Variants in FAM53B observed in about 807,000 individuals in gnomAD.
FAM53B encodes the protein protein FAM53B.
A neutral mutation model predicts 32.7 loss-of-function variants in FAM53B; 12 were observed. The observed-to-expected ratio is 0.37, with a 90% CI of 0.24 to 0.59. The LOEUF is 0.59. Ranked by LOEUF, FAM53B falls within the 20% of genes least tolerant of loss-of-function variation. FAM53B has a pLI of 0.72. For missense variants in FAM53B, 477 were observed against 577.7 expected, an observed-to-expected ratio of 0.83 and a Z score of 1.79; for synonymous variants, 234 against 228.7, an observed-to-expected ratio of 1.02 and a Z score of -0.21.
At chr10:124,668,303 G>A (rs1949686553) in intron 4 of FAM53B, among the ~76,000 whole-genome samples, 1 of 152,260 alleles carries the variant, frequency 6.6e-6, no homozygotes, top group South Asian at 2.1e-4. Context: ...TTTCTGAGCA[G>A]GACCACAGCC....
chr10:124,722,348 A>T (rs1202526902), intron 1 of FAM53B, among the ~76,000 whole-genome samples: 1 of 152,224 alleles, frequency 6.6e-6, no homozygotes, highest in Non-Finnish European at 1.5e-5. Flanking sequence ...AATTAAAAAA[A>T]AGAAGGCTTT....
intron 4 of FAM53B, among the ~76,000 whole-genome samples, chr10:124,633,788 A>G (rs138423846): frequency 3.3e-5 from 5 of 152,338 alleles, no homozygotes; most frequent in Non-Finnish European, 7.3e-5. Flanking sequence ...GATAAACTCA[A>G]CACAGACCAA....
intron 1 of FAM53B, among the ~76,000 whole-genome samples, chr10:124,738,049 C>A (rs1950181991): frequency 6.6e-6 from 1 of 152,192 alleles, no homozygotes; most frequent in Admixed American, 6.5e-5. Context: ...ATGCCCACAG[C>A]AGACACTTCC....
At chr10:124,713,016 C>T (rs1283573473) in intron 1 of FAM53B, among the ~76,000 whole-genome samples, 1 of 152,176 alleles carries the variant, frequency 6.6e-6, no homozygotes, top group Admixed American at 6.5e-5. Context: ...TGGGAGGGCA[C>T]ACACACAGGT....
rs941965086 is a variant in FAM53B, at chr10:124,733,784, T to C, written c.-175+10229A>G. ...GAAGGTCACTCCAAGGTCAAAAGGC[T>C]GGGCCCCTGGGCAGTGTCACCCCGA... is the stretch of plus-strand genomic sequence containing the variant. On this transcript the variant is annotated intron_variant, in intron 1 of 4. Coordinates refer to ENST00000337318, the MANE Select transcript of FAM53B (RefSeq NM_014661.4). The surrounding 1 kb of genome is among the most constrained non-coding windows in gnomAD (Gnocchi z 4.3). 2.0e-5 allele frequency among the ~76,000 whole-genome samples: 3 copies of C among 152,218 alleles called. No homozygotes were observed. Among genetic ancestry groups the C allele is most frequent in the East Asian group, 3.9e-4 (2 of 5,190 alleles).
intron 4 of FAM53B, among the ~76,000 whole-genome samples, chr10:124,650,329 G>C (rs1390406723): frequency 6.6e-6 from 1 of 152,194 alleles, no homozygotes; most frequent in Admixed American, 6.5e-5. Flanking sequence ...TGAGAACCAG[G>C]CATGAGCCTA....
rs1339980196 is a variant in FAM53B at position 124,697,255 on chromosome 10, GC to G, written c.79-1044del. Among the ~76,000 whole-genome samples the G allele has an allele frequency of 5.9e-5, 9 of 152,256 alleles. No homozygotes were observed. The South Asian group carries it at 1.7e-3, about 28-fold the overall frequency. The stretch of plus-strand genomic sequence containing the variant: ...CATGCAATGATGAAAGGAGCTCTTA[GC>G]CCCAGAGAAATGAGCCTGTCACAGA... On this transcript the variant is annotated intron_variant, in intron 2 of 4. Transcript: ENST00000337318.
At chr10:124,725,155 G>C (rs1589764908) in intron 1 of FAM53B, among the ~76,000 whole-genome samples, 1 of 152,178 alleles carries the variant, frequency 6.6e-6, no homozygotes, top group East Asian at 1.9e-4. Flanking sequence ...TGGAGCTAAA[G>C]ACACAAGACC....
intron 4 of FAM53B, among the ~76,000 whole-genome samples, chr10:124,657,934 C>T (rs1402400901): frequency 2.0e-5 from 3 of 152,202 alleles, no homozygotes; most frequent in African/African-American, 7.2e-5. Flanking sequence ...TTCTCCGCAG[C>T]CAGGAAGGTT....
At chr10:124,683,828 G>T (rs1287688136) in intron 3 of FAM53B, among the ~76,000 whole-genome samples, 1 of 152,234 alleles carries the variant, frequency 6.6e-6, no homozygotes, top group East Asian at 1.9e-4. Flanking sequence ...AGTGCTCGAG[G>T]CAGCAAGGAC....
chr10:124,682,273 G>A lies in FAM53B; in HGVS notation c.240C>T (p.His80=), dbSNP rs565957093. The change falls in exon 4 of 5, where the codon CAC becomes CAT. Residue 80 remains histidine (H), a synonymous_variant. Transcript: ENST00000337318. This position sits in a 1 kb window ranked among gnomAD's most constrained non-coding sequence, Gnocchi z 5.2. ...CAGCGCAGGCGGTCACTGCCTCCCG[G>A]TGCCATAGTGAGCTGTCCTTTTCAG... The part of the protein sequence containing the change: ...CLPEKDSSLW[H]REAVTACAVT... The A allele has an allele frequency of 9.3e-6, 15 of 1,614,092 alleles. No individual in the cohort carries two copies. The South Asian group carries it at 1.3e-4, about 14-fold the overall frequency.
At chr10:124,632,431 C>A (rs1440926708) in intron 4 of FAM53B, among the ~76,000 whole-genome samples, 1 of 152,176 alleles carries the variant, frequency 6.6e-6, no homozygotes, top group Admixed American at 6.5e-5. Flanking sequence ...GGCGGGGGGC[C>A]GAGGCTAATG....
At chr10:124,723,730 G>C (rs2134097241) in intron 1 of FAM53B, among the ~76,000 whole-genome samples, 1 of 152,310 alleles carries the variant, frequency 6.6e-6, no homozygotes, top group Non-Finnish European at 1.5e-5. Flanking sequence ...GCAGAGCCTG[G>C]ACAGCCCAGG....
intron 4 of FAM53B, among the ~76,000 whole-genome samples, chr10:124,629,729 C>A (rs1949378786): frequency 6.6e-6 from 1 of 152,230 alleles, no homozygotes; most frequent in Non-Finnish European, 1.5e-5. Flanking sequence ...CAGAAACAAC[C>A]AAGACGGCAA....
Position 124,743,606 on chromosome 10 carries a change from G to A in FAM53B, c.-175+407C>T, listed in dbSNP as rs915492126. ...GCGAATGGGGCCGCCCGGCTCCCGAGACTCCGCGCCTCCTCCGCAGCGGCT... is the reference window on the plus strand; with the variant it reads ...GCGAATGGGGCCGCCCGGCTCCCGAAACTCCGCGCCTCCTCCGCAGCGGCT... On this transcript the variant is annotated intron_variant, in intron 1 of 4. Coordinates refer to ENST00000337318, the MANE Select transcript of FAM53B (RefSeq NM_014661.4). 6.1e-4 allele frequency among the ~76,000 whole-genome samples: 92 copies of A among 151,870 alleles called. No homozygotes were observed. The East Asian group carries it at 0.016, about 27-fold the overall frequency.
Position 124,623,273 on chromosome 10 carries a change from T to A in FAM53B, c.1238A>T (p.Glu413Val). ...CTTCTCTATCTGCTCAATGTCCAAC[T>A]CGCCGTCCAGGGAGCAGAGGCTGTT... ...PGNSLCSLDG[E>V]LDIEQIEKN Residue 413 changes from glutamate to valine, a missense_variant, in exon 5 of 5, where the codon GAG (glutamate) becomes GTG (valine). By Grantham distance (121) the Glu-to-Val change is moderately radical (BLOSUM62 -2). Transcript: ENST00000337318. The A allele has an allele frequency of 6.2e-7, 1 of 1,609,852 alleles. No individual in the cohort carries two copies. Among genetic ancestry groups the A allele is most frequent in the Non-Finnish European group, 8.5e-7 (1 of 1,178,360 alleles).
At chr10:124,666,892 C>T (rs1188615899) in intron 4 of FAM53B, among the ~76,000 whole-genome samples, 2 of 152,152 alleles carry the variant, frequency 1.3e-5, no homozygotes, top group Non-Finnish European at 2.9e-5. Flanking sequence ...CTGCTATACC[C>T]GAGGCAGAGG....
At chr10:124,729,269 C>G (rs1368781285) in intron 1 of FAM53B, among the ~76,000 whole-genome samples, 1 of 152,220 alleles carries the variant, frequency 6.6e-6, no homozygotes, top group Non-Finnish European at 1.5e-5. Context: ...AAGGAAGACA[C>G]AGGACACCAT....
chr10:124,681,178 C>T (rs545784881), intron 4 of FAM53B, among the ~76,000 whole-genome samples: 1 of 152,276 alleles, frequency 6.6e-6, no homozygotes, highest in South Asian at 2.1e-4. Flanking sequence ...GAAACCATTA[C>T]CCACAACCCT....
Sources: gnomAD v4.1 joint callset for allele counts (sites outside exome capture counted in the v4.1 genomes callset) on GRCh38, gnomAD v4.1.1 for gene constraint, Gnocchi (gnomAD v3.1) non-coding constraint, MANE v1.5 for transcripts, NCBI Gene and HGNC (gene_info 2026-07-23, HGNC 2026-07-21) for gene names.